The following ADGRL2 variants were observed in gnomAD, a reference collection of about 807,000 sequenced individuals.
ADGRL2 encodes calcium-independent alpha-latrotoxin receptor 2.
Under a neutral mutation model 157.4 loss-of-function variants are expected in ADGRL2, and 44 were observed. That is an observed-to-expected ratio of 0.28 (90% CI 0.22 to 0.36). The LOEUF (loss-of-function observed/expected upper bound fraction) is 0.36, where lower values mean the gene tolerates loss of function less well. Ranked by LOEUF, ADGRL2 falls within the 10% of genes least tolerant of loss-of-function variation. The pLI is 1.00. For synonymous variants in ADGRL2, 585 were observed against 624.7 expected, an observed-to-expected ratio of 0.94 and a Z score of 0.95; for missense variants, 1,510 against 1,768.9, an observed-to-expected ratio of 0.85 and a Z score of 2.63.
rs186545209 is a variant in ADGRL2 at position 81,869,714 on chromosome 1, A to T, written c.73+32657A>T. Among the ~76,000 whole-genome samples, 697 of 150,322 alleles carry T rather than the reference A, an allele frequency of 4.6e-3. 6 individuals are homozygous for T. Among genetic ancestry groups the T allele is most frequent in the African/African-American group, 0.013 (556 of 41,322 alleles). On this transcript the variant is annotated intron_variant, in intron 2 of 23. Coordinates refer to ENST00000686636, the MANE Select transcript of ADGRL2 (RefSeq NM_001366006.2). ...GTTGATTAAATGTATGTAAAAAAAAAATATAATTTGTGACTCAGAATTGAG... is the reference window on the plus strand; with the variant it reads ...GTTGATTAAATGTATGTAAAAAAAATATATAATTTGTGACTCAGAATTGAG...
At chr1:81,776,151 GT>G (rs1463467124) in intron 2 of ADGRL2, among the ~76,000 whole-genome samples, 1 of 150,920 alleles carries the variant, frequency 6.6e-6, no homozygotes, top group Non-Finnish European at 1.5e-5. Flanking sequence ...ATAAGTGGTT[GT>G]GTTTTTAAAT....
intron 1 of ADGRL2, among the ~76,000 whole-genome samples, chr1:81,408,407 A>G (rs1331975994): frequency 6.6e-6 from 1 of 152,182 alleles, no homozygotes; most frequent in East Asian, 1.9e-4. Context: ...AATATAAACC[A>G]TTCCTCACTG....
At chr1:81,381,707 C>T (rs2076348248) in intron 1 of ADGRL2, among the ~76,000 whole-genome samples, 1 of 152,040 alleles carries the variant, frequency 6.6e-6, no homozygotes, top group Non-Finnish European at 1.5e-5. Context: ...TACATTGATT[C>T]GCCATTTTTG....
At chr1:81,894,521 A>G (rs1340073221) in intron 2 of ADGRL2, among the ~76,000 whole-genome samples, 1 of 152,130 alleles carries the variant, frequency 6.6e-6, no homozygotes, top group Non-Finnish European at 1.5e-5. Context: ...ATCTATCTTT[A>G]TATCTGTGAG....
chr1:81,894,955 A>G (rs773224310), intron 2 of ADGRL2, among the ~76,000 whole-genome samples: 4 of 152,218 alleles, frequency 2.6e-5, no homozygotes, highest in African/African-American at 7.2e-5. Flanking sequence ...TGATTGAATT[A>G]TTAGCATGGG....
At chr1:81,620,850 G>A (rs1026886333) in intron 3 of ADGRL2, among the ~76,000 whole-genome samples, 2 of 152,202 alleles carry the variant, frequency 1.3e-5, no homozygotes, top group African/African-American at 4.8e-5. Context: ...CACTGGAATC[G>A]TCAGACAAGG....
At chr1:81,971,285 A>T (rs1310580943) in intron 16 of ADGRL2, among the ~76,000 whole-genome samples, 2 of 152,140 alleles carry the variant, frequency 1.3e-5, no homozygotes, top group Non-Finnish European at 2.9e-5. Flanking sequence ...CTGTCTTAAT[A>T]AGTTTATGCA....
chr1:81,692,308 A>G (rs2083358777), intron 3 of ADGRL2, among the ~76,000 whole-genome samples: 1 of 152,134 alleles, frequency 6.6e-6, no homozygotes, highest in African/African-American at 2.4e-5. Context: ...GTCTCAAAAA[A>G]TAAATAAATA....
intron 2 of ADGRL2, among the ~76,000 whole-genome samples, chr1:81,768,647 A>T (rs992086757): frequency 2.0e-5 from 3 of 151,822 alleles, no homozygotes; most frequent in African/African-American, 4.8e-5. Flanking sequence ...TAATTTTTAA[A>T]TTTTTTATGT....
chr1:81,652,278 A>G lies in ADGRL2; in HGVS notation c.-143+71298A>G, dbSNP rs182774818. On this transcript the variant is annotated intron_variant, in intron 3 of 24. Transcript: ENST00000370721. ...AAAATATTTAATTCTATATCTCTGA[A>G]CACAACATCCTTATAAATGTTAAGT... Among the ~76,000 whole-genome samples the G allele has an allele frequency of 5.1e-4, 78 of 152,328 alleles. 1 individual carries two copies. Among genetic ancestry groups the G allele is most frequent in the Admixed American group, 4.8e-3 (73 of 15,300 alleles).
rs567255307 is a variant in ADGRL2, at chr1:81,626,129, C to G, written c.-143+45149C>G. On this transcript the variant is annotated intron_variant, in intron 3 of 24. Transcript: ENST00000370721. ...GGCTTCAACACTCTGTCACAAAGCC[C>G]GATCAGGAACTGGTTGCTTTCCAGC... Among the ~76,000 whole-genome samples, 74 of 152,216 alleles carry G rather than the reference C, an allele frequency of 4.9e-4. 2 individuals carry two copies. Among genetic ancestry groups the G allele is most frequent in the South Asian group, 3.1e-3 (15 of 4,820 alleles).
At chr1:81,859,726 T>C (rs796267507) in intron 2 of ADGRL2, among the ~76,000 whole-genome samples, 1 of 152,242 alleles carries the variant, frequency 6.6e-6, no homozygotes, top group African/African-American at 2.4e-5. Context: ...AAATTTTTAA[T>C]GTTATTTAAT....
intron 2 of ADGRL2, among the ~76,000 whole-genome samples, chr1:81,451,684 G>A (rs1285112934): frequency 6.6e-6 from 1 of 152,122 alleles, no homozygotes; most frequent in Non-Finnish European, 1.5e-5. Context: ...GTCAAGCATT[G>A]ACTCATAGAA....
chr1:81,806,552 T>C (rs2089184303), intron 1 of ADGRL2, among the ~76,000 whole-genome samples: 1 of 152,044 alleles, frequency 6.6e-6, no homozygotes, highest in Non-Finnish European at 1.5e-5. Flanking sequence ...GATTGAGATG[T>C]CATGAAGGTC....
chr1:81,793,537 T>A (rs2087446758), intron 2 of ADGRL2, among the ~76,000 whole-genome samples: 1 of 152,098 alleles, frequency 6.6e-6, no homozygotes, highest in Non-Finnish European at 1.5e-5. Context: ...TTTCACTAAC[T>A]GAAAAATTCA....
chr1:81,587,902 G>A (rs2081059224), intron 3 of ADGRL2, among the ~76,000 whole-genome samples: 1 of 152,148 alleles, frequency 6.6e-6, no homozygotes, highest in African/African-American at 2.4e-5. Context: ...AACCTTTCAT[G>A]TGCATACTAT....
intron 1 of ADGRL2, among the ~76,000 whole-genome samples, chr1:81,726,549 C>A (rs9661929): frequency 2.0e-5 from 3 of 152,054 alleles, no homozygotes; most frequent in Non-Finnish European, 4.4e-5. Flanking sequence ...GTTGAGAGTG[C>A]GGGTCAAACC....
chr1:81,652,439 G>A (rs1019174189), intron 3 of ADGRL2, among the ~76,000 whole-genome samples: 1 of 151,924 alleles, frequency 6.6e-6, no homozygotes, highest in Non-Finnish European at 1.5e-5. Context: ...AATAACACCT[G>A]AACAATTAAT....
chr1:81,547,449 A>G (rs2080045590), intron 2 of ADGRL2, among the ~76,000 whole-genome samples: 1 of 152,118 alleles, frequency 6.6e-6, no homozygotes, highest in South Asian at 2.1e-4. Flanking sequence ...GAGAAGCTGG[A>G]GCAATGTTCT....
Sources: allele counts gnomAD v4.1 joint callset (sites outside exome capture counted in the v4.1 genomes callset), GRCh38; gene constraint gnomAD v4.1.1; transcripts MANE v1.5; gene names NCBI Gene and HGNC (gene_info 2026-07-23, HGNC 2026-07-21).